Variants in SLC12A5 observed in about 807,000 individuals in gnomAD.
SLC12A5 encodes the protein K-Cl cotransporter 2.
A neutral mutation model predicts 124.0 loss-of-function variants in SLC12A5; 18 were observed. The observed-to-expected ratio is 0.15, with a 90% CI of 0.10 to 0.22. SLC12A5 has a LOEUF of 0.22. SLC12A5 is among the 10% of genes least tolerant of loss of function. The probability of loss-of-function intolerance (pLI) is 1.00; values close to 1 mark genes in which losing one functional copy is unlikely to be tolerated. For missense variants in SLC12A5, 867 were observed against 1,478.7 expected (o/e 0.59, Z 6.78); for synonymous variants, 589 against 568.0 (o/e 1.04, Z -0.53).
rs553129274 is a variant in SLC12A5 at position 46,040,996 on chromosome 20, A to C, written c.855-333A>C. 4 of 394,408 alleles carry C rather than the reference A, an allele frequency of 1.0e-5. No individual in the cohort carries two copies. In the East Asian group the frequency reaches 1.7e-4, roughly 17 times the overall value. The allele number at this position is 394,408 out of a possible 1,614,324, so 24.4% of individuals were successfully genotyped here. A position where few individuals can be genotyped will look rare whatever the true frequency, so the allele number is the denominator to read the frequency against. On this transcript the variant is annotated intron_variant, in intron 7 of 25. Coordinates refer to ENST00000243964, the MANE Select transcript of SLC12A5 (RefSeq NM_020708.5). ...CAACTCCTCCAGGATGGGAAAAGAC[A>C]CAGAAGTCTACAGGGTCCAGGGACT...
At chr20:46,023,160 G>A (rs966507403) in intron 2 of SLC12A5, 1 of 397,834 alleles carries the variant, frequency 2.5e-6, no homozygotes, top group African/African-American at 2.1e-5. Flanking sequence ...TTGTACAGAT[G>A]ACCAAATTGA....
intron 1 of SLC12A5, chr20:46,021,912 G>A: frequency 6.7e-7 from 1 of 1,497,868 alleles, no homozygotes; most frequent in Admixed American, 2.1e-5. Flanking sequence ...GGCGGGGCCT[G>A]CCAGGGCCGG....
At position 46,054,904 on chromosome 20, in the gene SLC12A5, G is replaced by C; in HGVS notation, c.2680-12G>C. On this transcript the variant is annotated splice_polypyrimidine_tract_variant and intron_variant, in intron 20 of 25. Coordinates refer to ENST00000243964, the MANE Select transcript of SLC12A5 (RefSeq NM_020708.5). The stretch of plus-strand genomic sequence containing the variant: ...TCCCCACCCCCCAACCCCAACCTCT[G>C]TCTGCCCACAGCATGAGAGCGACAT... 2 of 1,601,118 alleles carry C rather than the reference G, an allele frequency of 1.2e-6. No individual in the cohort carries two copies. Among genetic ancestry groups the C allele is most frequent in the Non-Finnish European group, 1.7e-6 (2 of 1,171,098 alleles).
At chr20:46,039,446 T>C (rs758653851) in intron 6 of SLC12A5, among the ~76,000 whole-genome samples, 1 of 152,222 alleles carries the variant, frequency 6.6e-6, no homozygotes, top group African/African-American at 2.4e-5. Context: ...TCACCTAATG[T>C]ACCATGGATA....
chr20:46,029,663 C>T (rs2084428353), intron 1 of SLC12A5, among the ~76,000 whole-genome samples: 2 of 152,104 alleles, frequency 1.3e-5, no homozygotes, highest in Admixed American at 6.5e-5. Flanking sequence ...GTTAGCTAAA[C>T]CGAGGAGGCG....
rs547532075 is a variant in SLC12A5 at position 46,059,470 on chromosome 20, C to A, written c.*1865C>A. On this transcript the variant is annotated 3_prime_UTR_variant, in exon 26 of 26. Coordinates refer to ENST00000243964, the MANE Select transcript of SLC12A5 (RefSeq NM_020708.5). ...CCCCCTGCATCCTTCAGTAGACCTCCCTCTGAACACCACAGCCAGGTCCTG... is the reference window on the plus strand; with the variant it reads ...CCCCCTGCATCCTTCAGTAGACCTCACTCTGAACACCACAGCCAGGTCCTG... 1.3e-5 allele frequency: 5 copies of A among 398,610 alleles called. No homozygotes were observed. The East Asian group carries it at 1.4e-4, about 11-fold the overall frequency. 24.7% of individuals were successfully genotyped at this position (398,610 alleles called of 1,614,324 possible).
At chr20:46,039,012 G>C (rs1214272083) in intron 6 of SLC12A5, among the ~76,000 whole-genome samples, 1 of 152,160 alleles carries the variant, frequency 6.6e-6, no homozygotes. Flanking sequence ...AGAAAATTGG[G>C]GGAATATCCA....
intron 8 of SLC12A5, among the ~76,000 whole-genome samples, 164 bp downstream of exon 8, chr20:46,041,704 G>A (rs577241826): frequency 5.3e-5 from 8 of 152,176 alleles, no homozygotes; most frequent in Non-Finnish European, 1.2e-4. Flanking sequence ...GAGGAGTAAG[G>A]TGAAAAGGAG....
intron 21 of SLC12A5, among the ~76,000 whole-genome samples, chr20:46,055,535 A>C (rs1288367612): frequency 1.3e-5 from 2 of 152,072 alleles, no homozygotes; most frequent in Non-Finnish European, 2.9e-5. Context: ...TGGGTGATGT[A>C]GAACCACCAG....
At position 46,057,709 on chromosome 20, in the gene SLC12A5, C is replaced by G; in HGVS notation, c.*104C>G. The G allele has an allele frequency of 1.1e-6, 1 of 875,308 alleles. No homozygotes were observed. Among genetic ancestry groups the G allele is most frequent in the Non-Finnish European group, 1.7e-6 (1 of 581,096 alleles). 54.2% of individuals were successfully genotyped at this position (875,308 alleles called of 1,614,324 possible). ...ACCGTTTACATACAGACCCTGTGCC[C>G]GTGTCCTGGCCCCTTACCCCGCTGC... is the stretch of plus-strand genomic sequence containing the variant. On this transcript the variant is annotated 3_prime_UTR_variant, in exon 26 of 26. Coordinates refer to ENST00000243964, the MANE Select transcript of SLC12A5 (RefSeq NM_020708.5). This position sits in a 1 kb window ranked among gnomAD's most constrained non-coding sequence, Gnocchi z 7.1.
intron 6 of SLC12A5, among the ~76,000 whole-genome samples, chr20:46,039,629 G>A (rs2084527847): frequency 1.3e-5 from 2 of 152,106 alleles, no homozygotes; most frequent in Non-Finnish European, 2.9e-5. Flanking sequence ...ACAAAAATTA[G>A]CCAGGGGTGG....
intron 14 of SLC12A5, among the ~76,000 whole-genome samples, chr20:46,046,643 A>G (rs1488407973): frequency 3.3e-5 from 5 of 152,208 alleles, no homozygotes; most frequent in Non-Finnish European, 7.3e-5. Flanking sequence ...TAGCAGCATC[A>G]TAAGCGGTCT....
At chr20:46,046,516 C>T (rs537153171) in intron 14 of SLC12A5, 80 bp downstream of exon 14, 3 of 1,315,948 alleles carry the variant, frequency 2.3e-6, no homozygotes, top group African/African-American at 2.9e-5. Flanking sequence ...AGTCCATCCC[C>T]TCTGGGTCTA....
Position 46,059,012 on chromosome 20 carries a change from T to G in SLC12A5, c.*1407T>G. On this transcript the variant is annotated 3_prime_UTR_variant, in exon 26 of 26. Coordinates refer to ENST00000243964, the MANE Select transcript of SLC12A5 (RefSeq NM_020708.5). ...CTAACTAGGACCCAGGGCCTTTGGCTTCCCCAGCTCATCCTTGGCCCTTCC... is the reference window on the plus strand; with the variant it reads ...CTAACTAGGACCCAGGGCCTTTGGCGTCCCCAGCTCATCCTTGGCCCTTCC... 1 of 324,576 alleles carries G rather than the reference T, an allele frequency of 3.1e-6. No homozygotes were observed. 20.1% of individuals were successfully genotyped at this position (324,576 alleles called of 1,614,324 possible). A position where few individuals can be genotyped will look rare whatever the true frequency, so the allele number is the denominator to read the frequency against.
chr20:46,028,792 C>G (rs1337105256), upstream of SLC12A5, among the ~76,000 whole-genome samples: 1 of 152,168 alleles, frequency 6.6e-6, no homozygotes, highest in Non-Finnish European at 1.5e-5. Context: ...TATCTTCCCC[C>G]TGGGGGTTAC....
At chr20:46,047,765 T>G (rs915163099) in intron 15 of SLC12A5, among the ~76,000 whole-genome samples, 192 bp downstream of exon 15, 4 of 151,958 alleles carry the variant, frequency 2.6e-5, no homozygotes, top group African/African-American at 9.7e-5. Flanking sequence ...GCAGAGGCTT[T>G]GAGAAATGGA....
chr20:46,038,375 T>G (rs2084516044), intron 6 of SLC12A5: 1 of 151,928 alleles, frequency 6.6e-6, no homozygotes, highest in Non-Finnish European at 1.5e-5. Flanking sequence ...TTTTTGTAGA[T>G]AGGGGTCTCA....
upstream of SLC12A5, chr20:46,021,730 G>C: frequency 1.3e-6 from 2 of 1,532,390 alleles, no homozygotes; most frequent in South Asian, 1.2e-5. Flanking sequence ...GTGCGATCCC[G>C]GACCTTGCCG....
At chr20:46,033,109 C>CT (rs1365824755) in intron 1 of SLC12A5, among the ~76,000 whole-genome samples, 4 of 152,174 alleles carry the variant, frequency 2.6e-5, no homozygotes, top group African/African-American at 9.7e-5. Context: ...ATCACTCCTC[C>CT]TGGCCCAATT....
Sources: gnomAD v4.1 joint callset for allele counts (sites outside exome capture counted in the v4.1 genomes callset) on GRCh38, gnomAD v4.1.1 for gene constraint, Gnocchi (gnomAD v3.1) non-coding constraint, MANE v1.5 for transcripts, NCBI Gene and HGNC (gene_info 2026-07-23, HGNC 2026-07-21) for gene names.